MMP24: variants seen among roughly 807,000 people sequenced by gnomAD.
MMP24 encodes the protein matrix metalloproteinase-24.
In MMP24, 25 loss-of-function variants were observed where a neutral mutation model predicts 62.8. The ratio of observed to expected loss-of-function variants is 0.40; its 90% CI spans 0.29 to 0.56. The LOEUF (loss-of-function observed/expected upper bound fraction) is 0.56. MMP24 is among the 20% of genes least tolerant of loss of function. MMP24 has a pLI of 0.50. For missense variants in MMP24, 634 were observed against 853.6 expected, an observed-to-expected ratio of 0.74 and a Z score of 3.21; for synonymous variants, 319 against 350.5, an observed-to-expected ratio of 0.91 and a Z score of 1.00.
In MMP24 at chr20:35,267,354, C is replaced by T; in HGVS notation, c.1129C>T (p.Pro377Ser). Residue 377 changes from proline to serine, a missense_variant, in exon 6 of 9, where the codon CCC (proline) becomes TCC (serine). Pro to Ser is a moderately conservative substitution (Grantham distance 74). This residue lies in a region of MMP24 where 399 missense variants were observed against 530.8 expected (regional missense o/e 0.75). Coordinates refer to ENST00000246186, the MANE Select transcript of MMP24 (RefSeq NM_006690.4). ...GDRPSTPGTK[P>S]NICDGNFNTV... ...CCGGCCATCCACACCAGGCACCAAA[C>T]CCAACATCTGTGACGGCAACTTCAA... The T allele has an allele frequency of 6.3e-7, 1 of 1,582,240 alleles. No individual in the cohort carries two copies. The highest frequency in any genetic ancestry group is 8.6e-7 in the Non-Finnish European group (1 of 1,164,728).
intron 2 of MMP24, among the ~76,000 whole-genome samples, chr20:35,248,786 G>A (rs1218680861): frequency 1.3e-5 from 2 of 152,176 alleles, no homozygotes; most frequent in African/African-American, 4.8e-5. Context: ...CTCCAGAGTG[G>A]GCTGGTTAAA....
intron 5 of MMP24, among the ~76,000 whole-genome samples, chr20:35,265,174 C>T (rs943516940): frequency 2.0e-5 from 3 of 152,202 alleles, no homozygotes; most frequent in African/African-American, 4.8e-5. Flanking sequence ...ATAGGGTCCA[C>T]CAGTCTGCAG....
At chr20:35,237,221 T>A (rs956092534) in intron 1 of MMP24, among the ~76,000 whole-genome samples, 10 of 152,170 alleles carry the variant, frequency 6.6e-5, no homozygotes, top group Admixed American at 4.6e-4. Context: ...AGGTCAGAAG[T>A]CCAAAATGGG....
chr20:35,274,153 C>A lies in MMP24; in HGVS notation c.1601-119C>A. On this transcript the variant is annotated intron_variant, in intron 8 of 8. Transcript: ENST00000246186. The surrounding 1 kb of genome is among the most constrained non-coding windows in gnomAD (Gnocchi z 5.1). ...ACTCAGCCAAGCACTGCACCCCAAA[C>A]CTCCAGGTGTGCCCACCTTGCCTCC... 2.0e-6 allele frequency: 2 copies of A among 1,000,002 alleles called. No individual in the cohort carries two copies. Among genetic ancestry groups the A allele is most frequent in the Non-Finnish European group, 2.9e-6 (2 of 680,706 alleles). 61.9% of individuals were successfully genotyped at this position (1,000,002 alleles called of 1,614,324 possible).
At chr20:35,264,126 G>C (rs2060619205) in intron 5 of MMP24, 174 bp downstream of exon 5, 1 of 675,470 alleles carries the variant, frequency 1.5e-6, no homozygotes, top group East Asian at 3.5e-5. Flanking sequence ...AGAGGGCAAG[G>C]CTTCCCCTGG....
intron 1 of MMP24, among the ~76,000 whole-genome samples, chr20:35,237,847 GCTGT>G (rs766724895): frequency 3.3e-5 from 5 of 152,298 alleles, no homozygotes; most frequent in Non-Finnish European, 4.4e-5. Flanking sequence ...TGTGGAGGAG[GCTGT>G]CTAAGAACTA....
At position 35,269,911 on chromosome 20, in the gene MMP24, G is replaced by A; in HGVS notation, c.1333+13G>A. 1 of 1,551,784 alleles carries A rather than the reference G, an allele frequency of 6.4e-7. No individual in the cohort carries two copies. Among genetic ancestry groups the A allele is most frequent in the Middle Eastern group, 1.7e-4 (1 of 5,992 alleles). ...GTCTTCTTCAAAGGTAATGTAGACTGTGCTGTGGGACAGTTCCCTGCCCAA... is the reference window on the plus strand; with the variant it reads ...GTCTTCTTCAAAGGTAATGTAGACTATGCTGTGGGACAGTTCCCTGCCCAA... On this transcript the variant is annotated intron_variant, in intron 7 of 8. Transcript: ENST00000246186. This position sits in a 1 kb window ranked among gnomAD's most constrained non-coding sequence, Gnocchi z 4.6.
intron 1 of MMP24, among the ~76,000 whole-genome samples, chr20:35,236,540 C>T (rs2060464192): frequency 6.6e-6 from 1 of 152,156 alleles, no homozygotes; most frequent in African/African-American, 2.4e-5. Context: ...GAGGAGGAAG[C>T]AGGGTTTTGG....
At chr20:35,264,109 C>A in intron 5 of MMP24, 157 bp downstream of exon 5, 1 of 859,716 alleles carries the variant, frequency 1.2e-6, no homozygotes, top group Non-Finnish European at 1.7e-6. Flanking sequence ...AATGGCTTTG[C>A]CTGGCCAGAG....
At chr20:35,253,290 T>C (rs2060557794) in intron 3 of MMP24, among the ~76,000 whole-genome samples, 1 of 150,048 alleles carries the variant, frequency 6.7e-6, no homozygotes, top group Non-Finnish European at 1.5e-5. Context: ...TTTTTTTTTT[T>C]TTTCAGAAAT....
rs966752002 is a variant in MMP24, at chr20:35,271,492, T to C, written c.1334-77T>C. 1.6e-5 allele frequency: 25 copies of C among 1,531,952 alleles called. No individual in the cohort carries two copies. The highest frequency in any genetic ancestry group is 2.0e-5 in the Non-Finnish European group (23 of 1,134,290). The allele number at this position is 1,531,952 out of a possible 1,614,324, so 94.9% of individuals were successfully genotyped here. On this transcript the variant is annotated intron_variant, in intron 7 of 8. Transcript: ENST00000246186. The surrounding 1 kb of genome is among the most constrained non-coding windows in gnomAD (Gnocchi z 4.0). ...AAGGGGCTGAGGGCATCAGACTGTT[T>C]TCACCTGACACCCTGAAGATGGGCA...
At chr20:35,270,456 T>C (rs1051258824) in intron 7 of MMP24, among the ~76,000 whole-genome samples, 2 of 152,220 alleles carry the variant, frequency 1.3e-5, no homozygotes, top group African/African-American at 4.8e-5. Context: ...GGCCCCGCCT[T>C]GGAAAGCTGT....
At position 35,246,857 on chromosome 20, in the gene MMP24, T is replaced by G; in HGVS notation, c.264T>G (p.Tyr88Ter). 1 of 1,614,084 alleles carries G rather than the reference T, an allele frequency of 6.2e-7. No individual in the cohort carries two copies. Among genetic ancestry groups the G allele is most frequent in the Non-Finnish European group, 8.5e-7 (1 of 1,179,898 alleles). The change falls in exon 2 of 9, where the codon TAT becomes TAG. Residue 88 changes from tyrosine (Y) to a stop codon, truncating the protein, a stop_gained. Transcript: ENST00000246186. LOFTEE classifies it high-confidence loss of function. Reference sequence around the variant, plus strand: ...TCTTTCAGAACTGGTTAAAGTCCTATGGCTATCTGCTTCCCTATGACTCAC... The same window carrying G: ...TCTTTCAGAACTGGTTAAAGTCCTAGGGCTATCTGCTTCCCTATGACTCAC... ...PFAGQNWLKSYGYLLPYDSRA... is the reference protein window; with the variant it reads ...PFAGQNWLKS
At chr20:35,261,795 CTT>C (rs11335936) in intron 4 of MMP24, among the ~76,000 whole-genome samples, 1,579 of 88,968 alleles carry the variant, frequency 0.018, 7 homozygotes, top group African/African-American at 0.042. Flanking sequence ...TCAGGGCATC[CTT>C]TTTTTTTTTT....
chr20:35,244,304 A>C (rs2060502506), intron 1 of MMP24, among the ~76,000 whole-genome samples: 1 of 150,608 alleles, frequency 6.6e-6, no homozygotes, highest in African/African-American at 2.5e-5. Flanking sequence ...CGAGCCCAGC[A>C]TGTAGCTCCT....
chr20:35,271,236 G>C lies in MMP24; in HGVS notation c.1334-333G>C, dbSNP rs938976775. Among the ~76,000 whole-genome samples the C allele has an allele frequency of 6.6e-6, 1 of 152,220 alleles. No individual in the cohort carries two copies. On this transcript the variant is annotated intron_variant, in intron 7 of 8. Coordinates refer to ENST00000246186, the MANE Select transcript of MMP24 (RefSeq NM_006690.4). This position sits in a 1 kb window ranked among gnomAD's most constrained non-coding sequence, Gnocchi z 4.0. ...GAGGGAGGTCAGGGTTTCTGGCTCTGCTGCTCAGGTCCAGTGGGAGAGCCT... is the reference window on the plus strand; with the variant it reads ...GAGGGAGGTCAGGGTTTCTGGCTCTCCTGCTCAGGTCCAGTGGGAGAGCCT...
Position 35,274,731 on chromosome 20 carries a change from A to G in MMP24, c.*122A>G. The G allele has an allele frequency of 1.1e-6, 1 of 869,832 alleles. No homozygotes were observed. Among genetic ancestry groups the G allele is most frequent in the Non-Finnish European group, 1.7e-6 (1 of 574,966 alleles). The allele number at this position is 869,832 out of a possible 1,614,324, so 53.9% of individuals were successfully genotyped here. A position where few individuals can be genotyped will look rare whatever the true frequency, so the allele number is the denominator to read the frequency against. On this transcript the variant is annotated 3_prime_UTR_variant, in exon 9 of 9. Coordinates refer to ENST00000246186, the MANE Select transcript of MMP24 (RefSeq NM_006690.4). This position sits in a 1 kb window ranked among gnomAD's most constrained non-coding sequence, Gnocchi z 5.1. The stretch of plus-strand genomic sequence containing the variant: ...GCAGGGCCCTAGGCTGGGGTCGTAC[A>G]GCTGAAGTGGTGGGTGCATTGGCCT...
At chr20:35,227,378 G>C (rs952527430) in intron 1 of MMP24, among the ~76,000 whole-genome samples, 5 of 151,812 alleles carry the variant, frequency 3.3e-5, no homozygotes, top group African/African-American at 4.8e-5. Context: ...GTTCAAGCTG[G>C]AGAAGGGGGA....
At position 35,267,212 on chromosome 20, in the gene MMP24, A is replaced by G; in HGVS notation, c.987A>G (p.Pro329=). ...LQGIQKIYGP[P]AEPLEPTRPL... ...TGCAGCTCCTCTCTCCAGGACCCCC[A>G]GCCGAGCCTCTGGAGCCCACAAGGC... Residue 329 remains proline (P), a synonymous_variant, in exon 6 of 9, where the codon CCA becomes CCG. Coordinates refer to ENST00000246186, the MANE Select transcript of MMP24 (RefSeq NM_006690.4). 1 of 1,590,858 alleles carries G rather than the reference A, an allele frequency of 6.3e-7. No homozygotes were observed. Among genetic ancestry groups the G allele is most frequent in the East Asian group, 2.3e-5 (1 of 43,172 alleles).
Sources: gnomAD v4.1 joint callset for allele counts (sites outside exome capture counted in the v4.1 genomes callset) on GRCh38, gnomAD v4.1.1 for gene constraint, gnomAD v4.1.1 regional missense constraint, Gnocchi (gnomAD v3.1) non-coding constraint, MANE v1.5 for transcripts, NCBI Gene and HGNC (gene_info 2026-07-23, HGNC 2026-07-21) for gene names.